The following AUTS2 variants were observed in gnomAD, a reference collection of about 807,000 sequenced individuals.
The protein encoded by AUTS2 is activator of transcription and developmental regulator AUTS2, also known as autism susceptibility gene 2 protein.
Under a neutral mutation model 112.4 loss-of-function variants are expected in AUTS2, and 17 were observed. That is an observed-to-expected ratio of 0.15 (90% CI 0.10 to 0.23). The LOEUF is 0.23. AUTS2 is among the 10% of genes least tolerant of loss of function. AUTS2 has a pLI of 1.00. For synonymous variants in AUTS2, 751 were observed against 702.7 expected (o/e 1.07, Z -1.09); for missense variants, 1,510 against 1,701.6 (o/e 0.89, Z 1.98).
intron 4 of AUTS2, among the ~76,000 whole-genome samples, chr7:70,157,382 G>A (rs984030815): frequency 7.2e-5 from 11 of 152,102 alleles, no homozygotes; most frequent in Non-Finnish European, 1.0e-4. Context: ...GGGCTTAAGC[G>A]ATCCTCCTAT....
intron 1 of AUTS2, among the ~76,000 whole-genome samples, chr7:69,632,254 A>G (rs781270870): frequency 6.6e-6 from 1 of 152,170 alleles, no homozygotes; most frequent in Non-Finnish European, 1.5e-5. Flanking sequence ...TTTTATCTTT[A>G]TAAGGTTTTG....
intron 18 of AUTS2, among the ~76,000 whole-genome samples, 197 bp from the exon 19 acceptor site, chr7:70,789,551 G>A (rs566794129): frequency 6.6e-6 from 1 of 151,972 alleles, no homozygotes; most frequent in African/African-American, 2.4e-5. Flanking sequence ...CCCCCATTAA[G>A]CTTCCTCTAA....
At chr7:70,591,775 T>A (rs988984761) in intron 5 of AUTS2, among the ~76,000 whole-genome samples, 3 of 152,196 alleles carry the variant, frequency 2.0e-5, no homozygotes, top group Admixed American at 1.3e-4. Context: ...TCTACGCATG[T>A]GTCAGGGCTA....
intron 5 of AUTS2, among the ~76,000 whole-genome samples, chr7:70,567,164 C>T (rs1373590203): frequency 6.6e-6 from 1 of 152,178 alleles, no homozygotes; most frequent in Non-Finnish European, 1.5e-5. Flanking sequence ...GTTCATGTCT[C>T]GATCCAACTG....
intron 4 of AUTS2, among the ~76,000 whole-genome samples, chr7:70,231,531 C>T (rs1019319949): frequency 1.3e-5 from 2 of 152,068 alleles, no homozygotes; most frequent in African/African-American, 2.4e-5. Context: ...CAAGCTCCAC[C>T]TCACAGGTTC....
In AUTS2 at chr7:70,638,418, C is replaced by T. The variant is rs1483992573; in HGVS notation, c.691-60151C>T. On this transcript the variant is annotated intron_variant, in intron 5 of 18. Coordinates refer to ENST00000342771, the MANE Select transcript of AUTS2 (RefSeq NM_015570.4). ...AACTTGAGAGCAACTCTGCAGATGC[C>T]GCACACCGTGGCAGAATGATTCAGG... is the stretch of plus-strand genomic sequence containing the variant. 2.0e-5 allele frequency among the ~76,000 whole-genome samples: 3 copies of T among 152,166 alleles called. No homozygotes were observed. In the Middle Eastern group the frequency reaches 0.01, roughly 518 times the overall value.
chr7:70,474,440 A>G (rs1797505684), intron 5 of AUTS2, among the ~76,000 whole-genome samples: 1 of 152,156 alleles, frequency 6.6e-6, no homozygotes, highest in East Asian at 1.9e-4. Context: ...TTTGTCTTAT[A>G]ACAGTCATGG....
At chr7:70,471,043 C>G (rs1797361415) in intron 5 of AUTS2, among the ~76,000 whole-genome samples, 1 of 152,270 alleles carries the variant, frequency 6.6e-6, no homozygotes, top group Admixed American at 6.5e-5. Context: ...CCGGGCTCTT[C>G]CCCCTGGGAC....
At chr7:70,468,023 G>T (rs1370521711) in intron 5 of AUTS2, among the ~76,000 whole-genome samples, 2 of 152,210 alleles carry the variant, frequency 1.3e-5, no homozygotes, top group African/African-American at 4.8e-5. Context: ...AGATTCTGAG[G>T]CTTGAGGCCG....
At chr7:70,305,077 A>AT (rs1489540223) in intron 4 of AUTS2, among the ~76,000 whole-genome samples, 1 of 152,088 alleles carries the variant, frequency 6.6e-6, no homozygotes, top group African/African-American at 2.4e-5. Context: ...CCATAGCCTG[A>AT]TTTTTTGTGA....
chr7:69,948,822 T>A (rs921269497), intron 2 of AUTS2, among the ~76,000 whole-genome samples: 2 of 147,454 alleles, frequency 1.4e-5, no homozygotes, highest in Non-Finnish European at 3.0e-5. Flanking sequence ...TTATTTATTT[T>A]GAGACAGAGT....
At chr7:69,776,808 A>G (rs1788917572) in intron 1 of AUTS2, among the ~76,000 whole-genome samples, 2 of 152,328 alleles carry the variant, frequency 1.3e-5, no homozygotes, top group South Asian at 2.1e-4. Flanking sequence ...GGAAACCTCT[A>G]AGAATATTTC....
intron 2 of AUTS2, among the ~76,000 whole-genome samples, chr7:69,902,858 A>G (rs1157757688): frequency 3.3e-5 from 5 of 152,202 alleles, no homozygotes; most frequent in Admixed American, 1.3e-4. Flanking sequence ...TTAAGTATAA[A>G]TACATACTGC....
intron 5 of AUTS2, among the ~76,000 whole-genome samples, chr7:70,550,280 C>A (rs1223820627): frequency 6.6e-6 from 1 of 152,178 alleles, no homozygotes; most frequent in East Asian, 1.9e-4. Flanking sequence ...GAATCAGATT[C>A]AAGTACAATG....
At chr7:70,136,071 T>C (rs1304656692) in intron 4 of AUTS2, among the ~76,000 whole-genome samples, 2 of 152,168 alleles carry the variant, frequency 1.3e-5, no homozygotes, top group Non-Finnish European at 2.9e-5. Context: ...TCTAGAAACA[T>C]TGAGATTTTC....
At chr7:70,225,451 T>C (rs1345330983) in intron 4 of AUTS2, among the ~76,000 whole-genome samples, 3 of 152,196 alleles carry the variant, frequency 2.0e-5, no homozygotes, top group Non-Finnish European at 4.4e-5. Flanking sequence ...AAAGGAGAAC[T>C]GAACTCATCC....
intron 2 of AUTS2, among the ~76,000 whole-genome samples, chr7:70,057,914 T>C (rs1198096747): frequency 6.6e-6 from 1 of 152,186 alleles, no homozygotes; most frequent in East Asian, 1.9e-4. Flanking sequence ...TTTAGGAAAT[T>C]AGCAAAACTT....
chr7:70,526,490 G>A (rs912018862), intron 5 of AUTS2, among the ~76,000 whole-genome samples: 2 of 152,062 alleles, frequency 1.3e-5, no homozygotes, highest in Non-Finnish European at 2.9e-5. Flanking sequence ...TGGCCAACAC[G>A]GTGAAACCCC....
intron 6 of AUTS2, among the ~76,000 whole-genome samples, chr7:70,760,051 G>A (rs2129556538): frequency 6.6e-6 from 1 of 151,886 alleles, no homozygotes; most frequent in Non-Finnish European, 1.5e-5. Context: ...TGTCGCCTAG[G>A]CTGGAGTGCA....
Sources: gnomAD v4.1 joint callset for allele counts (sites outside exome capture counted in the v4.1 genomes callset) on GRCh38, gnomAD v4.1.1 for gene constraint, MANE v1.5 for transcripts, NCBI Gene and HGNC (gene_info 2026-07-23, HGNC 2026-07-21) for gene names.